Variants in CADPS2 observed in about 807,000 individuals in gnomAD.
The protein encoded by CADPS2 is calcium dependent secretion activator 2.
A neutral mutation model predicts 172.5 loss-of-function variants in CADPS2; 93 were observed. That is an observed-to-expected ratio of 0.54 (90% CI 0.46 to 0.64). The LOEUF (loss-of-function observed/expected upper bound fraction) is 0.64, where lower values mean the gene tolerates loss of function less well. Among genes scored for constraint, CADPS2 ranks in the 30% least tolerant of loss-of-function variants. CADPS2 has a pLI of 0.00. For missense variants in CADPS2, 1,420 were observed against 1,565.9 expected, an observed-to-expected ratio of 0.91 and a Z score of 1.57; for synonymous variants, 546 against 555.2, an observed-to-expected ratio of 0.98 and a Z score of 0.23.
chr7:122,787,455 A>G (rs988234850), intron 1 of CADPS2, among the ~76,000 whole-genome samples: 2 of 152,214 alleles, frequency 1.3e-5, no homozygotes, highest in Admixed American at 6.5e-5. Flanking sequence ...ATTTCACTGC[A>G]AAGCCCAAAT....
In CADPS2 at chr7:122,585,733, G is replaced by A. The variant is rs563516294; in HGVS notation, c.1224-4443C>T. 8 of 151,960 alleles carry A rather than the reference G, an allele frequency of 5.3e-5. No individual in the cohort carries two copies. The South Asian group carries it at 1.0e-3, about 20-fold the overall frequency. The allele number at this position is 151,960 out of a possible 1,614,324, so 9.4% of individuals were successfully genotyped here. A position where few individuals can be genotyped will look rare whatever the true frequency, so the allele number is the denominator to read the frequency against. On this transcript the variant is annotated intron_variant, in intron 6 of 29. Coordinates refer to ENST00000449022, the MANE Select transcript of CADPS2 (RefSeq NM_017954.11). ...ATTCAGAATTCCAAGGTAAATGTTC[G>A]AATGAATAAAAATCTACAAAGCACC...
chr7:122,698,936 G>A, intron 2 of CADPS2: 1 of 1,538,860 alleles, frequency 6.5e-7, no homozygotes, highest in Non-Finnish European at 8.7e-7. Flanking sequence ...TTCTCCGAGT[G>A]ACTTAAGAAC....
chr7:122,514,372 AT>A (rs149771559), intron 8 of CADPS2, among the ~76,000 whole-genome samples: 2,659 of 152,262 alleles, frequency 0.017, 46 homozygotes, highest in East Asian at 0.083. Context: ...GGGGCTTAAG[AT>A]TTTTAGACTT....
intron 25 of CADPS2, among the ~76,000 whole-genome samples, chr7:122,373,969 T>C (rs1057221607): frequency 2.0e-5 from 3 of 152,052 alleles, no homozygotes; most frequent in African/African-American, 7.2e-5. Context: ...AAGAAAACTA[T>C]AAGCCAAGAT....
intron 3 of CADPS2, among the ~76,000 whole-genome samples, chr7:122,659,022 T>A (rs1030885247): frequency 1.3e-5 from 2 of 151,998 alleles, no homozygotes; most frequent in Non-Finnish European, 2.9e-5. Context: ...AAAGCCTTAG[T>A]TACCTCAGTT....
chr7:122,623,295 G>A (rs2075780872), intron 4 of CADPS2, among the ~76,000 whole-genome samples: 1 of 151,744 alleles, frequency 6.6e-6, no homozygotes, highest in South Asian at 2.1e-4. Context: ...GCAAAGAGAG[G>A]GGAAAAAAGC....
chr7:122,787,867 T>C (rs80318430), intron 1 of CADPS2, among the ~76,000 whole-genome samples: 1 of 152,158 alleles, frequency 6.6e-6, no homozygotes, highest in Non-Finnish European at 1.5e-5. Flanking sequence ...TGATTCTTCA[T>C]CCTCATTAAA....
At chr7:122,648,803 C>G (rs143441880) in intron 3 of CADPS2, among the ~76,000 whole-genome samples, 1 of 152,210 alleles carries the variant, frequency 6.6e-6, no homozygotes, top group East Asian at 1.9e-4. Context: ...AAAACAGTCT[C>G]GTAGATGAAG....
chr7:122,420,011 A>G (rs2048359882), intron 17 of CADPS2, among the ~76,000 whole-genome samples: 1 of 152,140 alleles, frequency 6.6e-6, no homozygotes, highest in Non-Finnish European at 1.5e-5. Flanking sequence ...CAAATTAGAT[A>G]ATCATGATCC....
intron 8 of CADPS2, among the ~76,000 whole-genome samples, chr7:122,528,402 T>C (rs1394340834): frequency 6.6e-6 from 1 of 152,192 alleles, no homozygotes; most frequent in Non-Finnish European, 1.5e-5. Flanking sequence ...ACCTGTATTA[T>C]GTTGCAAGCT....
chr7:122,700,021 G>A (rs1205446626), intron 2 of CADPS2, among the ~76,000 whole-genome samples: 1 of 152,138 alleles, frequency 6.6e-6, no homozygotes, highest in African/African-American at 2.4e-5. Flanking sequence ...CTCTGCCTAT[G>A]TTTTTGCCAC....
intron 4 of CADPS2, among the ~76,000 whole-genome samples, chr7:122,623,713 T>C (rs2075816733): frequency 6.6e-6 from 1 of 152,194 alleles, no homozygotes; most frequent in Non-Finnish European, 1.5e-5. Flanking sequence ...ACCTAACTTG[T>C]TTGCTTATTA....
At chr7:122,845,756 T>C (rs867159929) in intron 1 of CADPS2, among the ~76,000 whole-genome samples, 3 of 152,190 alleles carry the variant, frequency 2.0e-5, no homozygotes, top group Non-Finnish European at 4.4e-5. Flanking sequence ...AGGACATGAA[T>C]TATTGAAATA....
intron 17 of CADPS2, among the ~76,000 whole-genome samples, chr7:122,417,182 G>A (rs954768987): frequency 3.9e-5 from 6 of 152,030 alleles, no homozygotes; most frequent in Non-Finnish European, 7.4e-5. Flanking sequence ...CTGTTCTAAC[G>A]TATTCCAAAG....
At chr7:122,701,151 A>G (rs910717670) in intron 2 of CADPS2, among the ~76,000 whole-genome samples, 1 of 151,800 alleles carries the variant, frequency 6.6e-6, no homozygotes, top group Non-Finnish European at 1.5e-5. Context: ...TAACTTGAAG[A>G]AAAAAAAATT....
intron 14 of CADPS2, among the ~76,000 whole-genome samples, chr7:122,466,918 T>C (rs2055218342): frequency 6.6e-6 from 1 of 152,168 alleles, no homozygotes; most frequent in African/African-American, 2.4e-5. Context: ...TCCCTTCCCC[T>C]TTTCTTTTTC....
chr7:122,711,620 C>A (rs2088737904), intron 2 of CADPS2, among the ~76,000 whole-genome samples: 1 of 152,022 alleles, frequency 6.6e-6, no homozygotes, highest in South Asian at 2.1e-4. Context: ...AAAGTGAGTT[C>A]TTTTTCCTAT....
At chr7:122,502,975 T>C (rs2059329138) in intron 9 of CADPS2, among the ~76,000 whole-genome samples, 2 of 151,564 alleles carry the variant, frequency 1.3e-5, no homozygotes, top group African/African-American at 4.8e-5. Flanking sequence ...ACTTATTTCA[T>C]AAGAATATCT....
chr7:122,700,455 T>A (rs67969832), intron 2 of CADPS2, among the ~76,000 whole-genome samples: 4 of 152,142 alleles, frequency 2.6e-5, no homozygotes, highest in Non-Finnish European at 5.9e-5. Context: ...TTTATTTTCA[T>A]ACATCCCTGC....
Sources: allele counts gnomAD v4.1 joint callset (sites outside exome capture counted in the v4.1 genomes callset), GRCh38; gene constraint gnomAD v4.1.1; transcripts MANE v1.5; gene names NCBI Gene and HGNC (gene_info 2026-07-23, HGNC 2026-07-21).